ABCC1: variants seen among roughly 807,000 people sequenced by gnomAD.
The protein encoded by ABCC1 is ATP binding cassette subfamily C member 1 (ABCC1 blood group), also known as multidrug resistance-associated protein 1.
ABCC1 carries 83 observed loss-of-function variants against 172.9 expected under a neutral mutation model. That is an observed-to-expected ratio of 0.48 (90% CI 0.40 to 0.58). The LOEUF (loss-of-function observed/expected upper bound fraction) is 0.58, where lower values mean the gene tolerates loss of function less well. Ranked by LOEUF, ABCC1 falls within the 20% of genes least tolerant of loss-of-function variation. The pLI is 0.00. For synonymous variants in ABCC1, 937 were observed against 825.2 expected (o/e 1.14, Z -2.32); for missense variants, 1,817 against 2,002.7 (o/e 0.91, Z 1.77).
intron 1 of ABCC1, among the ~76,000 whole-genome samples, chr16:15,977,140 C>G (rs45499796): frequency 0.021 from 3,126 of 152,194 alleles, 47 homozygotes; most frequent in Middle Eastern, 0.075. Context: ...GGGGTGTCTC[C>G]GAAGGAGTGT....
chr16:15,999,761 C>T (rs949356778), intron 1 of ABCC1, among the ~76,000 whole-genome samples: 8 of 123,980 alleles, frequency 6.5e-5, no homozygotes, highest in Admixed American at 1.8e-4. Context: ...CCTCTGTGCC[C>T]GGCCTCTTTC....
At chr16:15,950,434 C>T (rs4148331) in intron 1 of ABCC1, among the ~76,000 whole-genome samples, 87,154 of 151,948 alleles carry the variant, frequency 0.57, 27,382 homozygotes, top group Non-Finnish European at 0.71. Flanking sequence ...ACCTGACCCT[C>T]GGCTCGGGGC....
chr16:15,953,432 A>G (rs1410432765), intron 1 of ABCC1, among the ~76,000 whole-genome samples: 2 of 152,202 alleles, frequency 1.3e-5, no homozygotes, highest in Non-Finnish European at 2.9e-5. Flanking sequence ...GTGGTGGCTC[A>G]GAGCAAATTC....
chr16:16,098,158 G>A (rs1179896944), intron 19 of ABCC1: 1 of 153,386 alleles, frequency 6.5e-6, no homozygotes, highest in Non-Finnish European at 1.5e-5. Context: ...CTCAGGAGCA[G>A]TGTCTGTCCT....
intron 3 of ABCC1, among the ~76,000 whole-genome samples, chr16:16,012,829 C>A (rs561168264): frequency 6.6e-6 from 1 of 151,582 alleles, no homozygotes; most frequent in Non-Finnish European, 1.5e-5. Context: ...ATTACAGGCA[C>A]GCGCCACCAC....
intron 17 of ABCC1, among the ~76,000 whole-genome samples, chr16:16,084,039 C>A (rs1156843180): frequency 6.6e-6 from 1 of 152,174 alleles, no homozygotes; most frequent in Non-Finnish European, 1.5e-5. Flanking sequence ...AGCCATAATA[C>A]TGAAAATAGC....
rs542075290 is a variant in ABCC1, at chr16:16,141,170, C to G, written c.4488-3C>G. On this transcript the variant is annotated splice_region_variant and splice_polypyrimidine_tract_variant and intron_variant, in intron 30 of 30. Transcript: ENST00000399410. ...CCTCATGTCTGTATCCCCTCTCCCTCAGGGTGATCGTCTTGGACAAAGGAG... is the reference window on the plus strand; with the variant it reads ...CCTCATGTCTGTATCCCCTCTCCCTGAGGGTGATCGTCTTGGACAAAGGAG... 6.2e-7 allele frequency: 1 copy of G among 1,613,670 alleles called. No homozygotes were observed. Among genetic ancestry groups the G allele is most frequent in the South Asian group, 1.1e-5 (1 of 91,070 alleles).
intron 18 of ABCC1, among the ~76,000 whole-genome samples, chr16:16,088,959 T>A (rs2051128011): frequency 6.6e-6 from 1 of 152,192 alleles, no homozygotes; most frequent in African/African-American, 2.4e-5. Context: ...TCCTCCCGTT[T>A]TGGCCTCCCA....
At chr16:16,081,773 A>G (rs2151989941) in intron 16 of ABCC1, among the ~76,000 whole-genome samples, 1 of 152,248 alleles carries the variant, frequency 6.6e-6, no homozygotes, top group African/African-American at 2.4e-5. Flanking sequence ...TAATCCCAGC[A>G]CTTTGGGAGG....
chr16:16,009,774 A>G lies in ABCC1; in HGVS notation c.226-2A>G. On this transcript the variant is annotated splice_acceptor_variant, in intron 2 of 30. Coordinates refer to ENST00000399410, the MANE Select transcript of ABCC1 (RefSeq NM_004996.4). LOFTEE classifies it high-confidence loss of function. ...TAGGATATGTATGTGCTTCTCTTCCAGGCCTTGGGATTTTTGCTGTGGATC... is the reference window on the plus strand; with the variant it reads ...TAGGATATGTATGTGCTTCTCTTCCGGGCCTTGGGATTTTTGCTGTGGATC... The G allele has an allele frequency of 6.2e-7, 1 of 1,603,948 alleles. No homozygotes were observed. The highest frequency in any genetic ancestry group is 1.7e-4 in the Middle Eastern group (1 of 6,016).
At chr16:15,967,778 A>AC (rs1226596946) in intron 1 of ABCC1, among the ~76,000 whole-genome samples, 1 of 107,456 alleles carries the variant, frequency 9.3e-6, no homozygotes, top group East Asian at 2.1e-4. Flanking sequence ...AAAAACAACA[A>AC]AAAAAAAACT....
At position 16,107,492 on chromosome 16, in the gene ABCC1, G is replaced by C. The variant is rs150494797; in HGVS notation, c.2871+619G>C. Among the ~76,000 whole-genome samples the C allele has an allele frequency of 3.7e-3, 564 of 152,230 alleles. 6 individuals are homozygous for C. The highest frequency in any genetic ancestry group is 0.013 in the African/African-American group (526 of 41,552). ...TTTAGTAGAGACAGGGTTTCACCAT[G>C]TTGGCCAGGCTGGTCTTGAACTCCT... On this transcript the variant is annotated intron_variant, in intron 21 of 30. Transcript: ENST00000399410.
intron 15 of ABCC1, among the ~76,000 whole-genome samples, chr16:16,078,709 C>G (rs943020038): frequency 1.3e-5 from 2 of 152,200 alleles, no homozygotes; most frequent in Admixed American, 1.3e-4. Context: ...CAGAGTCTCA[C>G]GCTCTTGCCC....
chr16:16,100,784 A>G (rs1263075217), intron 19 of ABCC1, among the ~76,000 whole-genome samples: 1 of 152,124 alleles, frequency 6.6e-6, no homozygotes. Context: ...CCCTCTCGCA[A>G]ATGAAGGTTG....
chr16:16,054,746 C>T (rs1596431648), intron 11 of ABCC1, among the ~76,000 whole-genome samples: 1 of 152,054 alleles, frequency 6.6e-6, no homozygotes, highest in African/African-American at 2.4e-5. Context: ...ATCTGTGACC[C>T]GGGGATGACT....
intron 12 of ABCC1, among the ~76,000 whole-genome samples, chr16:16,057,858 C>T (rs1293834281): frequency 6.6e-6 from 1 of 152,116 alleles, no homozygotes; most frequent in African/African-American, 2.4e-5. Flanking sequence ...TCACTGCAGC[C>T]TTGAACTCCT....
At chr16:16,109,786 C>T (rs922556998) in intron 21 of ABCC1, among the ~76,000 whole-genome samples, 7 of 152,100 alleles carry the variant, frequency 4.6e-5, no homozygotes, top group African/African-American at 1.7e-4. Context: ...GGAGGCTGGC[C>T]CAGTTGTGGT....
chr16:16,035,944 G>A (rs761194691), intron 6 of ABCC1, among the ~76,000 whole-genome samples: 39 of 151,296 alleles, frequency 2.6e-4, no homozygotes, highest in Non-Finnish European at 4.1e-4. Context: ...GGAGACTCTT[G>A]TCTCTACAAA....
intron 5 of ABCC1, among the ~76,000 whole-genome samples, chr16:16,022,711 C>G (rs1205043702): frequency 6.6e-6 from 1 of 152,088 alleles, no homozygotes; most frequent in Admixed American, 6.5e-5. Flanking sequence ...ATTTTTAGTC[C>G]TGTCTGTATA....
Sources: allele counts gnomAD v4.1 joint callset (sites outside exome capture counted in the v4.1 genomes callset), GRCh38; gene constraint gnomAD v4.1.1; transcripts MANE v1.5; gene names NCBI Gene and HGNC (gene_info 2026-07-23, HGNC 2026-07-21).